Variants in CACNB2 observed in about 807,000 individuals in gnomAD.
CACNB2 encodes the protein calcium voltage-gated channel auxiliary subunit beta 2.
CACNB2 carries 42 observed loss-of-function variants against 73.3 expected under a neutral mutation model. The observed-to-expected ratio is 0.57, with a 90% CI of 0.45 to 0.74. The LOEUF (loss-of-function observed/expected upper bound fraction) is 0.74, where lower values mean the gene tolerates loss of function less well. Among genes scored for constraint, CACNB2 ranks in the 30% least tolerant of loss-of-function variants. The probability of loss-of-function intolerance (pLI) is 0.00; values close to 1 mark genes in which losing one functional copy is unlikely to be tolerated. For missense variants in CACNB2, 940 were observed against 853.0 expected (o/e 1.10, Z -1.27); for synonymous variants, 348 against 310.3 (o/e 1.12, Z -1.28).
chr10:18,453,011 G>A (rs577228227), intron 3 of CACNB2, among the ~76,000 whole-genome samples: 200 of 152,280 alleles, frequency 1.3e-3, no homozygotes, highest in African/African-American at 4.1e-3. Context: ...TGCTCAAGCC[G>A]AAAGCATCCT....
chr10:18,350,253 T>A (rs1199043886), intron 2 of CACNB2, among the ~76,000 whole-genome samples: 2 of 152,024 alleles, frequency 1.3e-5, no homozygotes, highest in East Asian at 1.9e-4. Context: ...CTCAAAAAAA[T>A]TTTTTTAAAA....
intron 2 of CACNB2, among the ~76,000 whole-genome samples, chr10:18,356,489 T>C (rs112776862): frequency 1.3e-5 from 2 of 152,346 alleles, no homozygotes; most frequent in African/African-American, 4.8e-5. Flanking sequence ...TAAACATCTC[T>C]GTGGTTCTGC....
intron 3 of CACNB2, among the ~76,000 whole-genome samples, chr10:18,445,091 C>T (rs968288701): frequency 2.6e-5 from 4 of 152,176 alleles, no homozygotes; most frequent in Non-Finnish European, 5.9e-5. Flanking sequence ...GTATCTAATA[C>T]AGTGAGATAG....
intron 2 of CACNB2, among the ~76,000 whole-genome samples, chr10:18,247,062 G>A (rs1038436618): frequency 6.6e-6 from 1 of 152,162 alleles, no homozygotes; most frequent in Non-Finnish European, 1.5e-5. Context: ...GGCCTTCAGA[G>A]CTCTCTGACC....
intron 2 of CACNB2, among the ~76,000 whole-genome samples, chr10:18,388,565 C>G (rs970287470): frequency 1.6e-4 from 25 of 152,110 alleles, no homozygotes; most frequent in African/African-American, 6.0e-4. Flanking sequence ...AATATTAAGT[C>G]TCTCTGAACC....
chr10:18,506,782 A>G (rs1029038512), intron 6 of CACNB2, among the ~76,000 whole-genome samples: 1 of 151,892 alleles, frequency 6.6e-6, no homozygotes, highest in African/African-American at 2.4e-5. Flanking sequence ...GATCAAAGTG[A>G]TTAATGTATT....
At chr10:18,405,459 ATAT>A (rs2044237585) in intron 3 of CACNB2, among the ~76,000 whole-genome samples, 1 of 152,172 alleles carries the variant, frequency 6.6e-6, no homozygotes, top group Non-Finnish European at 1.5e-5. Context: ...ATTCCTGTAT[ATAT>A]TTTTTTGTGT....
At chr10:18,312,292 G>A (rs1219606455) in intron 2 of CACNB2, among the ~76,000 whole-genome samples, 4 of 152,106 alleles carry the variant, frequency 2.6e-5, no homozygotes, top group Non-Finnish European at 5.9e-5. Flanking sequence ...TTTCTATTGA[G>A]CCGAACTCTC....
intron 2 of CACNB2, among the ~76,000 whole-genome samples, chr10:18,342,940 A>T (rs1233230946): frequency 2.0e-5 from 3 of 152,122 alleles, no homozygotes; most frequent in Non-Finnish European, 4.4e-5. Flanking sequence ...CGCAAGTATG[A>T]TTTCAGTTTT....
At chr10:18,219,251 T>A (rs1033142328) in intron 2 of CACNB2, among the ~76,000 whole-genome samples, 1 of 152,190 alleles carries the variant, frequency 6.6e-6, no homozygotes, top group Non-Finnish European at 1.5e-5. Context: ...ATTTGCTGGT[T>A]ATAACATGTT....
At chr10:18,200,245 A>G (rs1326240808) in intron 2 of CACNB2, among the ~76,000 whole-genome samples, 1 of 151,446 alleles carries the variant, frequency 6.6e-6, no homozygotes, top group African/African-American at 2.4e-5. Flanking sequence ...TTTTGTAGGT[A>G]TTACATTAAT....
At chr10:18,279,683 G>A (rs1340578137) in intron 2 of CACNB2, among the ~76,000 whole-genome samples, 2 of 152,214 alleles carry the variant, frequency 1.3e-5, no homozygotes, top group Non-Finnish European at 1.5e-5. Context: ...TATTGACAAA[G>A]TTTTAGGCAA....
chr10:18,416,671 C>T (rs181922375), intron 3 of CACNB2, among the ~76,000 whole-genome samples: 49 of 152,276 alleles, frequency 3.2e-4, no homozygotes, highest in Non-Finnish European at 6.3e-4. Context: ...CACAGCCTCC[C>T]GAAGTTTTCT....
intron 3 of CACNB2, among the ~76,000 whole-genome samples, chr10:18,471,040 C>T (rs186712068): frequency 6.6e-6 from 1 of 152,166 alleles, no homozygotes; most frequent in South Asian, 2.1e-4. Context: ...TGCGGTGGGT[C>T]ACACCTGTAA....
At chr10:18,498,289 G>T in intron 3 of CACNB2, 66 bp from the exon 4 acceptor site, 1 of 1,590,054 alleles carries the variant, frequency 6.3e-7, no homozygotes, top group Non-Finnish European at 8.6e-7. Flanking sequence ...CTTTGTGTTT[G>T]AGGGAAAAAG....
intron 2 of CACNB2, among the ~76,000 whole-genome samples, chr10:18,356,189 A>C (rs2041901679): frequency 6.6e-6 from 1 of 152,128 alleles, no homozygotes; most frequent in Non-Finnish European, 1.5e-5. Context: ...TCAAGGATGA[A>C]GCTGCCATAG....
At chr10:18,188,270 C>T (rs1335317611) in intron 2 of CACNB2, among the ~76,000 whole-genome samples, 5 of 142,594 alleles carry the variant, frequency 3.5e-5, no homozygotes, top group Admixed American at 1.3e-4. Flanking sequence ...CTTCTTGCCT[C>T]CTTTCCTTCT....
At chr10:18,273,500 G>C (rs1413747867) in intron 2 of CACNB2, among the ~76,000 whole-genome samples, 1 of 152,048 alleles carries the variant, frequency 6.6e-6, no homozygotes, top group Non-Finnish European at 1.5e-5. Flanking sequence ...CTCTCCTGTG[G>C]TGAAAGCTTA....
intron 3 of CACNB2, among the ~76,000 whole-genome samples, chr10:18,443,879 T>C (rs1324683718): frequency 6.6e-6 from 1 of 152,028 alleles, no homozygotes; most frequent in Non-Finnish European, 1.5e-5. Flanking sequence ...CACACCTAGC[T>C]AATTTTTGTA....
Sources: allele counts gnomAD v4.1 joint callset (sites outside exome capture counted in the v4.1 genomes callset), GRCh38; gene constraint gnomAD v4.1.1; transcripts MANE v1.5; gene names NCBI Gene and HGNC (gene_info 2026-07-23, HGNC 2026-07-21).